The following DIAPH3 variants were observed in gnomAD, a reference collection of about 807,000 sequenced individuals.
DIAPH3 encodes the protein diaphanous related formin 3, also known as protein diaphanous homolog 3.
DIAPH3 carries 117 observed loss-of-function variants against 144.3 expected under a neutral mutation model. That is an observed-to-expected ratio of 0.81 (90% CI 0.70 to 0.95). The LOEUF (loss-of-function observed/expected upper bound fraction) is 0.95. DIAPH3 is among the 40% of genes least tolerant of loss of function. The pLI, the probability that DIAPH3 is intolerant of heterozygous loss-of-function variation, is 0.00. For synonymous variants in DIAPH3, 519 were observed against 488.9 expected, an observed-to-expected ratio of 1.06 and a Z score of -0.81; for missense variants, 1,421 against 1,412.7, an observed-to-expected ratio of 1.01 and a Z score of -0.09.
chr13:59,854,271 A>G (rs1029531486), intron 22 of DIAPH3, among the ~76,000 whole-genome samples: 1 of 152,140 alleles, frequency 6.6e-6, no homozygotes, highest in African/African-American at 2.4e-5. Context: ...CCCTACTAAT[A>G]CTATGATTTC....
At chr13:59,911,499 A>G (rs1335457175) in intron 20 of DIAPH3, among the ~76,000 whole-genome samples, 1 of 152,218 alleles carries the variant, frequency 6.6e-6, no homozygotes, top group East Asian at 1.9e-4. Context: ...AGAGAGCAAA[A>G]AAATTATACA....
intron 4 of DIAPH3, among the ~76,000 whole-genome samples, chr13:60,043,515 T>C (rs574305399): frequency 1.9e-3 from 283 of 152,132 alleles, no homozygotes; most frequent in Non-Finnish European, 2.9e-3. Context: ...CACGTACACA[T>C]GCAGAGAAAA....
At chr13:59,877,372 C>T (rs2044698147) in intron 21 of DIAPH3, among the ~76,000 whole-genome samples, 1 of 152,074 alleles carries the variant, frequency 6.6e-6, no homozygotes, top group South Asian at 2.1e-4. Flanking sequence ...TTAGGTCTCA[C>T]ACTACATGTC....
intron 20 of DIAPH3, among the ~76,000 whole-genome samples, chr13:59,904,880 G>A (rs2046641653): frequency 6.6e-6 from 1 of 152,014 alleles, no homozygotes; most frequent in Middle Eastern, 3.4e-3. Flanking sequence ...AATATTAATA[G>A]GCAATTCTAA....
intron 20 of DIAPH3, among the ~76,000 whole-genome samples, chr13:59,887,477 G>A (rs973142499): frequency 7.2e-5 from 11 of 151,848 alleles, no homozygotes; most frequent in Non-Finnish European, 1.0e-4. Flanking sequence ...TTGGCCCACC[G>A]GTAATTTTAA....
At chr13:60,020,083 T>C (rs561854045) in intron 5 of DIAPH3, among the ~76,000 whole-genome samples, 10 of 152,312 alleles carry the variant, frequency 6.6e-5, no homozygotes, top group African/African-American at 2.4e-4. Context: ...TCCTTGAGTA[T>C]AGGGACCGTT....
chr13:59,775,037 G>A (rs2038326252), intron 25 of DIAPH3, among the ~76,000 whole-genome samples: 1 of 152,118 alleles, frequency 6.6e-6, no homozygotes. Flanking sequence ...ATGTTACTGT[G>A]CACTAAAGGG....
intron 20 of DIAPH3, among the ~76,000 whole-genome samples, chr13:59,905,709 A>G (rs2046698860): frequency 6.6e-6 from 1 of 152,186 alleles, no homozygotes; most frequent in Non-Finnish European, 1.5e-5. Flanking sequence ...CAATATAATC[A>G]CAGGGTCCTT....
intron 17 of DIAPH3, among the ~76,000 whole-genome samples, chr13:59,958,490 C>T (rs1594127273): frequency 6.6e-6 from 1 of 152,078 alleles, no homozygotes; most frequent in East Asian, 1.9e-4. Context: ...TAGATTAGAA[C>T]TAGTTTCTCT....
At chr13:59,996,505 T>C (rs1448806748) in intron 9 of DIAPH3, among the ~76,000 whole-genome samples, 1 of 151,982 alleles carries the variant, frequency 6.6e-6, no homozygotes, top group African/African-American at 2.4e-5. Context: ...CCATCTATGA[T>C]TCAGGATAGT....
chr13:59,895,772 C>T (rs1360698961), intron 20 of DIAPH3, among the ~76,000 whole-genome samples: 2 of 152,284 alleles, frequency 1.3e-5, no homozygotes, highest in East Asian at 1.9e-4. Context: ...GAAAGGCCTA[C>T]TCAAGAGAAG....
chr13:59,783,912 A>G (rs997324400), intron 25 of DIAPH3, among the ~76,000 whole-genome samples: 2 of 152,126 alleles, frequency 1.3e-5, no homozygotes, highest in African/African-American at 4.8e-5. Flanking sequence ...AGCTGAGGGT[A>G]ATGCACAAGG....
chr13:60,050,813 G>GGC (rs2056305905), intron 4 of DIAPH3, among the ~76,000 whole-genome samples: 1 of 9,980 alleles, frequency 1.0e-4, no homozygotes, highest in Non-Finnish European at 2.4e-4. Flanking sequence ...GCAACAGACA[G>GGC]AAACAACGTG....
intron 1 of DIAPH3, among the ~76,000 whole-genome samples, chr13:60,156,317 A>T (rs1952019401): frequency 6.6e-6 from 1 of 152,240 alleles, no homozygotes; most frequent in African/African-American, 2.4e-5. Context: ...CCTTTAAAAA[A>T]GAAAACAGGA....
At chr13:60,102,888 C>T (rs947079065) in intron 3 of DIAPH3, among the ~76,000 whole-genome samples, 1 of 152,026 alleles carries the variant, frequency 6.6e-6, no homozygotes, top group Non-Finnish European at 1.5e-5. Flanking sequence ...GTGCTGTGTC[C>T]ATCCAGAATG....
chr13:60,115,359 A>G (rs2058675857), intron 2 of DIAPH3, among the ~76,000 whole-genome samples: 1 of 152,192 alleles, frequency 6.6e-6, no homozygotes, highest in South Asian at 2.1e-4. Context: ...AAACACGATG[A>G]AAAATACTCA....
At chr13:59,947,177 T>C (rs948307462) in intron 17 of DIAPH3, among the ~76,000 whole-genome samples, 2 of 152,184 alleles carry the variant, frequency 1.3e-5, no homozygotes, top group Admixed American at 6.5e-5. Flanking sequence ...GAATAATAAC[T>C]CGCTGATAAT....
chr13:60,127,188 G>T (rs555762590), intron 2 of DIAPH3, among the ~76,000 whole-genome samples: 4 of 151,764 alleles, frequency 2.6e-5, no homozygotes, highest in African/African-American at 9.7e-5. Context: ...GCATTAAAGG[G>T]ATAAGAAAAT....
Position 59,980,755 on chromosome 13 carries a change from T to C in DIAPH3, c.1545+40A>G, listed in dbSNP as rs758917696. On this transcript the variant is annotated intron_variant, in intron 14 of 27. Coordinates refer to ENST00000400324, the MANE Select transcript of DIAPH3 (RefSeq NM_001042517.2). Reference sequence around the variant, plus strand: ...TGAGGCAGAAGCATGCCTGCAGTGGTTCCCCACAGAATACTATAAAGTTAG... The same window carrying C: ...TGAGGCAGAAGCATGCCTGCAGTGGCTCCCCACAGAATACTATAAAGTTAG... 8 of 1,548,090 alleles carry C rather than the reference T, an allele frequency of 5.2e-6. No individual in the cohort carries two copies. The East Asian group carries it at 6.8e-5, about 13-fold the overall frequency.
Sources: allele counts gnomAD v4.1 joint callset (sites outside exome capture counted in the v4.1 genomes callset), GRCh38; gene constraint gnomAD v4.1.1; transcripts MANE v1.5; gene names NCBI Gene and HGNC (gene_info 2026-07-23, HGNC 2026-07-21).